The following BCL7C variants were observed in gnomAD, a reference collection of about 807,000 sequenced individuals.
BCL7C encodes BAF chromatin remodeling complex subunit BCL7C.
Under a neutral mutation model 26.2 loss-of-function variants are expected in BCL7C, and 8 were observed. The observed-to-expected ratio is 0.30, with a 90% confidence interval of 0.18 to 0.55. The LOEUF (loss-of-function observed/expected upper bound fraction) is 0.55, where lower values mean the gene tolerates loss of function less well. Ranked by LOEUF, BCL7C falls within the 20% of genes least tolerant of loss-of-function variation. BCL7C has a pLI of 0.93. For synonymous variants in BCL7C, 90 were observed against 116.5 expected (o/e 0.77, Z 1.47); for missense variants, 262 against 298.5 (o/e 0.88, Z 0.90).
chr16:30,886,384 G>T (rs1342568840), downstream of BCL7C, among the ~76,000 whole-genome samples: 1 of 152,106 alleles, frequency 6.6e-6, no homozygotes, highest in Non-Finnish European at 1.5e-5. Flanking sequence ...CACTCAGGGA[G>T]TAACAGAGCC....
chr16:30,862,841 A>T (rs80278766), intron 5 of BCL7C, among the ~76,000 whole-genome samples: 404 of 152,090 alleles, frequency 2.7e-3, no homozygotes, highest in African/African-American at 9.5e-3. Context: ...AACCTAGCTG[A>T]CCCCATAAAT....
chr16:30,873,652 A>T (rs1030313177), intron 5 of BCL7C, among the ~76,000 whole-genome samples: 1 of 151,790 alleles, frequency 6.6e-6, no homozygotes, highest in Non-Finnish European at 1.5e-5. Flanking sequence ...GGAGTTCCAG[A>T]CCAGCCTGGG....
Position 30,834,819 on chromosome 16 carries a change from G to A in BCL7C, c.*129C>T, listed in dbSNP as rs1460911916. 9.4e-6 allele frequency: 9 copies of A among 954,662 alleles called. No homozygotes were observed. Among genetic ancestry groups the A allele is most frequent in the Non-Finnish European group, 1.2e-5 (8 of 663,404 alleles). The allele number at this position is 954,662 out of a possible 1,614,324, so 59.1% of individuals were successfully genotyped here. ...CTTAGGTTCGGGCAGGTGTGGGGCC[G>A]CTCGCCCTCCGATGTTACCGCGGTG... On this transcript the variant is annotated 3_prime_UTR_variant, in exon 6 of 6. Transcript: ENST00000380317. The surrounding 1 kb of genome is among the most constrained non-coding windows in gnomAD (Gnocchi z 4.3).
In BCL7C at chr16:30,893,091, T is replaced by G. The variant is rs2055279772; in HGVS notation, c.171+121A>C. 2.4e-6 allele frequency: 3 copies of G among 1,246,756 alleles called. No individual in the cohort carries two copies. In the Admixed American group the frequency reaches 6.5e-5, roughly 27 times the overall value. 77.2% of individuals were successfully genotyped at this position (1,246,756 alleles called of 1,614,324 possible). On this transcript the variant is annotated intron_variant, in intron 2 of 5. Coordinates refer to ENST00000215115, the MANE Select transcript of BCL7C (RefSeq NM_004765.4). The surrounding 1 kb of genome is among the most constrained non-coding windows in gnomAD (Gnocchi z 5.2). ...GCAAAAGGGGAGGAGCTGCTAATGATGGTTCCCGTCTGTCCTGCTGCATCT... is the reference window on the plus strand; with the variant it reads ...GCAAAAGGGGAGGAGCTGCTAATGAGGGTTCCCGTCTGTCCTGCTGCATCT...
chr16:30,891,935 G>A (rs1183400802), intron 4 of BCL7C, among the ~76,000 whole-genome samples: 1 of 147,728 alleles, frequency 6.8e-6, no homozygotes, highest in Non-Finnish European at 1.5e-5. Context: ...GAGTACTCCA[G>A]CGTGGGTGAC....
intron 5 of BCL7C, among the ~76,000 whole-genome samples, chr16:30,843,390 G>C (rs1410084035): frequency 1.3e-5 from 2 of 151,560 alleles, no homozygotes; most frequent in Non-Finnish European, 2.9e-5. Flanking sequence ...GTGAGACCTT[G>C]TCTCTACTAA....
downstream of BCL7C, among the ~76,000 whole-genome samples, chr16:30,883,536 CTTTTTTTTTTTTTTTTTTTT>C (rs71149065): frequency 4.4e-5 from 2 of 45,440 alleles, no homozygotes; most frequent in East Asian, 9.2e-4. Context: ...GCCAAACTGG[CTTTTTTTTTTTTTTTTTTTT>C]TTTTTTTTTT....
At chr16:30,847,093 T>G (rs1258935893) in intron 5 of BCL7C, among the ~76,000 whole-genome samples, 5 of 152,224 alleles carry the variant, frequency 3.3e-5, no homozygotes, top group Non-Finnish European at 7.3e-5. Flanking sequence ...AATGCTTCCA[T>G]GACAAGCCTA....
Position 30,838,766 on chromosome 16 carries a change from C to T in BCL7C, c.529-3618G>A, listed in dbSNP as rs191955341. 2.6e-5 allele frequency among the ~76,000 whole-genome samples: 4 copies of T among 152,342 alleles called. No homozygotes were observed. The East Asian group carries it at 7.7e-4, about 29-fold the overall frequency. On this transcript the variant is annotated intron_variant, in intron 5 of 5. Transcript: ENST00000380317. Reference sequence around the variant, plus strand: ...CGCCACTGCACTCCAGCCTGGGTGACAGAGCGAGACTCCGTCTCAAACAAA... The same window carrying T: ...CGCCACTGCACTCCAGCCTGGGTGATAGAGCGAGACTCCGTCTCAAACAAA...
intron 5 of BCL7C, among the ~76,000 whole-genome samples, chr16:30,844,717 CTA>C (rs1375871954): frequency 2.0e-5 from 3 of 152,216 alleles, no homozygotes; most frequent in African/African-American, 7.2e-5. Flanking sequence ...GACCTTCAGT[CTA>C]TGAGTCAGAG....
chr16:30,849,105 T>G (rs1323434652), intron 5 of BCL7C, among the ~76,000 whole-genome samples: 2 of 150,608 alleles, frequency 1.3e-5, no homozygotes, highest in African/African-American at 2.4e-5. Context: ...AAGAATGGTG[T>G]GAACCCAGGA....
intron 5 of BCL7C, among the ~76,000 whole-genome samples, chr16:30,847,577 C>T (rs1057335390): frequency 2.6e-5 from 4 of 152,052 alleles, no homozygotes; most frequent in African/African-American, 7.2e-5. Context: ...GGGTGGATCA[C>T]CTAAGGTCAG....
At chr16:30,844,281 C>A (rs927688452) in intron 5 of BCL7C, among the ~76,000 whole-genome samples, 2 of 124,424 alleles carry the variant, frequency 1.6e-5, no homozygotes, top group Admixed American at 1.1e-4. Context: ...ACCCAGGGGG[C>A]AGGGGTTGCA....
intron 5 of BCL7C, among the ~76,000 whole-genome samples, chr16:30,872,471 C>T (rs1169347770): frequency 1.3e-5 from 2 of 152,342 alleles, no homozygotes; most frequent in East Asian, 1.9e-4. Context: ...CCAGCACGCA[C>T]GTTCACACAC....
At chr16:30,835,575 G>A (rs745743132) in intron 5 of BCL7C, among the ~76,000 whole-genome samples, 2 of 152,208 alleles carry the variant, frequency 1.3e-5, no homozygotes, top group Non-Finnish European at 2.9e-5. Context: ...GCCGGGCTCG[G>A]TGGCTCACGC....
At position 30,834,782 on chromosome 16, in the gene BCL7C, G is replaced by A; in HGVS notation, c.*166C>T. On this transcript the variant is annotated 3_prime_UTR_variant, in exon 6 of 6. Coordinates refer to the BCL7C transcript ENST00000380317. The surrounding 1 kb of genome is among the most constrained non-coding windows in gnomAD (Gnocchi z 4.3). The stretch of plus-strand genomic sequence containing the variant: ...TTCGGGCGCCAGTGGCGAGCCAGAT[G>A]GGTGCTGTGGCCTTAGGTTCGGGCA... 3.2e-6 allele frequency: 2 copies of A among 629,116 alleles called. No individual in the cohort carries two copies. Among genetic ancestry groups the A allele is most frequent in the South Asian group, 2.3e-5 (1 of 43,244 alleles). The allele number at this position is 629,116 out of a possible 1,614,324, so 39.0% of individuals were successfully genotyped here.
At chr16:30,845,161 C>T (rs985312183) in intron 5 of BCL7C, among the ~76,000 whole-genome samples, 5 of 152,204 alleles carry the variant, frequency 3.3e-5, no homozygotes, top group Non-Finnish European at 4.4e-5. Flanking sequence ...TTTGCACACC[C>T]ACCACTGGTC....
chr16:30,889,495 T>C (rs1367810490), intron 4 of BCL7C, among the ~76,000 whole-genome samples: 1 of 152,128 alleles, frequency 6.6e-6, no homozygotes, highest in Non-Finnish European at 1.5e-5. Context: ...TGTGTTTGTT[T>C]GTTTTAGTTT....
rs752519786 is a variant in BCL7C, at chr16:30,892,785, C to T, written c.281-38G>A. 4 of 1,613,934 alleles carry T rather than the reference C, an allele frequency of 2.5e-6. No homozygotes were observed. In the Admixed American group the frequency reaches 6.7e-5, roughly 27 times the overall value. ...GAGCCGAGATGGTTGGCCTGAGATC[C>T]CTAGTACACTCCTTCAGTCCCCACA... On this transcript the variant is annotated intron_variant, in intron 3 of 5. Transcript: ENST00000215115.
Sources: allele counts gnomAD v4.1 joint callset (sites outside exome capture counted in the v4.1 genomes callset), GRCh38; gene constraint gnomAD v4.1.1; non-coding constraint Gnocchi (gnomAD v3.1); transcripts MANE v1.5; gene names NCBI Gene and HGNC (gene_info 2026-07-23, HGNC 2026-07-21).